The following KIRREL3 variants were observed in gnomAD, a reference collection of about 807,000 sequenced individuals.
KIRREL3 encodes kin of IRRE-like protein 3.
A neutral mutation model predicts 89.7 loss-of-function variants in KIRREL3; 36 were observed. The observed-to-expected ratio is 0.40, with a 90% CI of 0.31 to 0.53. The LOEUF (loss-of-function observed/expected upper bound fraction) is 0.53. Among genes scored for constraint, KIRREL3 ranks in the 20% least tolerant of loss-of-function variants. The pLI, the probability that KIRREL3 is intolerant of heterozygous loss-of-function variation, is 0.49. For synonymous variants in KIRREL3, 445 were observed against 441.4 expected (o/e 1.01, Z -0.10); for missense variants, 864 against 1,056.6 (o/e 0.82, Z 2.53).
intron 1 of KIRREL3, among the ~76,000 whole-genome samples, chr11:126,567,807 G>C (rs1053506585): frequency 2.6e-5 from 4 of 152,188 alleles, no homozygotes; most frequent in African/African-American, 9.6e-5. Flanking sequence ...AGCACTTGCT[G>C]GTTGCCTGGT....
At position 126,651,151 on chromosome 11, in the gene KIRREL3, C is replaced by T. The variant is rs778230320; in HGVS notation, c.56-88239G>A. 5.9e-5 allele frequency among the ~76,000 whole-genome samples: 9 copies of T among 152,152 alleles called. No homozygotes were observed. The highest frequency in any genetic ancestry group is 1.0e-4 in the Non-Finnish European group (7 of 68,030). ...TCAAGATGATATGTGGGTGGGGACA[C>T]AGCAAAACCATATCAGAAAAGAACT... On this transcript the variant is annotated intron_variant, in intron 1 of 16. Coordinates refer to ENST00000525144, the MANE Select transcript of KIRREL3 (RefSeq NM_032531.4). The surrounding 1 kb of genome is among the most constrained non-coding windows in gnomAD (Gnocchi z 4.6).
rs2135588806 is a variant in KIRREL3, at chr11:126,424,412, G to C, written c.*168C>G. ...CTGGCACACAGCACCTGGGGACCCA[G>C]ATTTGTGCTTGATCAGAGCTTCGAA... On this transcript the variant is annotated 3_prime_UTR_variant, in exon 17 of 17. Coordinates refer to ENST00000525144, the MANE Select transcript of KIRREL3 (RefSeq NM_032531.4). 35 of 428,312 alleles carry C rather than the reference G, an allele frequency of 8.2e-5. No individual in the cohort carries two copies. The highest frequency in any genetic ancestry group is 2.3e-4 in the East Asian group (4 of 17,402). 26.5% of individuals were successfully genotyped at this position (428,312 alleles called of 1,614,324 possible).
chr11:126,779,401 C>T (rs1481803797), intron 1 of KIRREL3, among the ~76,000 whole-genome samples: 1 of 152,168 alleles, frequency 6.6e-6, no homozygotes, highest in Non-Finnish European at 1.5e-5. Flanking sequence ...GTCTCCCTTC[C>T]TCCCTTGTTT....
Position 126,429,357 on chromosome 11 carries a change from C to T in KIRREL3, c.1697-69G>A. 9.0e-7 allele frequency: 1 copy of T among 1,111,182 alleles called. No individual in the cohort carries two copies. The highest frequency in any genetic ancestry group is 1.4e-6 in the Non-Finnish European group (1 of 738,048). The allele number at this position is 1,111,182 out of a possible 1,614,324, so 68.8% of individuals were successfully genotyped here. A position where few individuals can be genotyped will look rare whatever the true frequency, so the allele number is the denominator to read the frequency against. On this transcript the variant is annotated intron_variant, in intron 14 of 16. Coordinates refer to ENST00000525144, the MANE Select transcript of KIRREL3 (RefSeq NM_032531.4). The surrounding 1 kb of genome is among the most constrained non-coding windows in gnomAD (Gnocchi z 5.2). ...ACCTTTGAGATGTCAAGCTCCCTTG[C>T]AGTCCCCTGCCCCTGCCCTGCCACC...
At chr11:126,633,005 T>G (rs1022699027) in intron 1 of KIRREL3, among the ~76,000 whole-genome samples, 2 of 151,860 alleles carry the variant, frequency 1.3e-5, no homozygotes, top group African/African-American at 2.4e-5. Flanking sequence ...GGCAGGAGAA[T>G]CACTTGAACC....
At chr11:126,806,644 G>C (rs1951212652) in intron 1 of KIRREL3, among the ~76,000 whole-genome samples, 1 of 152,082 alleles carries the variant, frequency 6.6e-6, no homozygotes, top group African/African-American at 2.4e-5. Context: ...ACTAGGTAAG[G>C]ATTGGATATT....
chr11:126,438,002 A>ATCCACAAACACAT (rs1363454992), intron 11 of KIRREL3, among the ~76,000 whole-genome samples: 2 of 152,198 alleles, frequency 1.3e-5, no homozygotes, highest in Non-Finnish European at 2.9e-5. Context: ...CATGTACACA[A>ATCCACAAACACAT]TCCACAAACA....
chr11:126,769,189 C>T lies in KIRREL3; in HGVS notation c.56-206277G>A, dbSNP rs191898407. 1.3e-5 allele frequency among the ~76,000 whole-genome samples: 2 copies of T among 152,290 alleles called. No individual in the cohort carries two copies. Among genetic ancestry groups the T allele is most frequent in the African/African-American group, 2.4e-5 (1 of 41,550 alleles). ...CAGTCACTGCTTTCCCTTCCTCCTA[C>T]GCTTTCAACACATCTCTAATATGGC... On this transcript the variant is annotated intron_variant, in intron 1 of 16. Transcript: ENST00000525144. The surrounding 1 kb of genome is among the most constrained non-coding windows in gnomAD (Gnocchi z 4.3).
At chr11:126,846,098 T>A (rs1049039613) in intron 1 of KIRREL3, among the ~76,000 whole-genome samples, 1 of 152,226 alleles carries the variant, frequency 6.6e-6, no homozygotes, top group East Asian at 1.9e-4. Flanking sequence ...GAAATTACTT[T>A]GCATTATGAG....
At chr11:126,922,806 C>G (rs1329885572) in intron 1 of KIRREL3, among the ~76,000 whole-genome samples, 1 of 152,202 alleles carries the variant, frequency 6.6e-6, no homozygotes, top group East Asian at 1.9e-4. Context: ...CAATACCAAG[C>G]CCCTTGAAAG....
chr11:126,841,967 G>A (rs909067568), intron 1 of KIRREL3, among the ~76,000 whole-genome samples: 5 of 152,254 alleles, frequency 3.3e-5, no homozygotes, highest in South Asian at 2.1e-4. Flanking sequence ...CTTGCTTCCC[G>A]TTTTTTTCTC....
At chr11:126,440,321 T>C (rs61898676) in intron 11 of KIRREL3, 128 bp downstream of exon 11, 10 of 801,926 alleles carry the variant, frequency 1.2e-5, no homozygotes, top group Non-Finnish European at 2.1e-5. Flanking sequence ...CCAAGGCAGG[T>C]ATAATTTTCC....
At position 126,429,217 on chromosome 11, in the gene KIRREL3, G is replaced by A. The variant is rs1447216237; in HGVS notation, c.1768C>T (p.Arg590Trp). Residue 590 changes from arginine to tryptophan, a missense_variant, in exon 15 of 17, where the codon CGG becomes TGG. Physicochemically the swap from Arg to Trp is moderately radical, Grantham distance 101. Coordinates refer to ENST00000525144, the MANE Select transcript of KIRREL3 (RefSeq NM_032531.4). This position sits in a 1 kb window ranked among gnomAD's most constrained non-coding sequence, Gnocchi z 5.2. The stretch of plus-strand genomic sequence containing the variant: ...ATGGTGGAGTGCTCCTCACCCTCCC[G>A]ACCAGAGGCTGGTTCCTTGTGGACA... ...EIVHKEPASG[R>W]EGEEHSTIKQ... 16 of 1,613,726 alleles carry A rather than the reference G, an allele frequency of 9.9e-6. No individual in the cohort carries two copies. The highest frequency in any genetic ancestry group is 3.3e-5 in the Admixed American group (2 of 60,000).
rs1019495936 is a variant in KIRREL3, at chr11:126,978,540, T to C, written c.55+21915A>G. 6.6e-5 allele frequency among the ~76,000 whole-genome samples: 10 copies of C among 152,228 alleles called. No homozygotes were observed. The highest frequency in any genetic ancestry group is 1.2e-4 in the Non-Finnish European group (8 of 68,036). ...GAAAGCTTTTTGGCTTCCAGGTCTA[T>C]GCCCAGTGCATTCAGCCACTGATGC... On this transcript the variant is annotated intron_variant, in intron 1 of 16. Transcript: ENST00000525144. The surrounding 1 kb of genome is among the most constrained non-coding windows in gnomAD (Gnocchi z 4.2).
chr11:126,551,811 A>G lies in KIRREL3; in HGVS notation c.133+11024T>C, dbSNP rs1031390466. On this transcript the variant is annotated intron_variant, in intron 2 of 16. Transcript: ENST00000525144. This position sits in a 1 kb window ranked among gnomAD's most constrained non-coding sequence, Gnocchi z 4.9. ...CAGGCATGCGCCACCATGCCCGACT[A>G]ATTTTTGTATTTTTAGTAGAGATGG... 6.6e-6 allele frequency among the ~76,000 whole-genome samples: 1 copy of G among 152,042 alleles called. No individual in the cohort carries two copies. Among genetic ancestry groups the G allele is most frequent in the African/African-American group, 2.4e-5 (1 of 41,394 alleles).
chr11:126,587,979 A>G lies in KIRREL3; in HGVS notation c.56-25067T>C, dbSNP rs1310890678. On this transcript the variant is annotated intron_variant, in intron 1 of 16. Transcript: ENST00000525144. This position sits in a 1 kb window ranked among gnomAD's most constrained non-coding sequence, Gnocchi z 5.2. The stretch of plus-strand genomic sequence containing the variant: ...TAGGAAGAAGGGAGAGGTGGACTGG[A>G]AGACTCAGATCTAGGGCTCGGGGGA... 4.6e-5 allele frequency among the ~76,000 whole-genome samples: 7 copies of G among 152,126 alleles called. No individual in the cohort carries two copies. The highest frequency in any genetic ancestry group is 3.9e-4 in the Admixed American group (6 of 15,262).
intron 1 of KIRREL3, among the ~76,000 whole-genome samples, chr11:126,733,953 GC>G (rs1948717985): frequency 6.6e-6 from 1 of 152,218 alleles, no homozygotes; most frequent in South Asian, 2.1e-4. Context: ...TTCTGGCCCT[GC>G]TGCAGGCACA....
At position 126,612,023 on chromosome 11, in the gene KIRREL3, C is replaced by T. The variant is rs532698108; in HGVS notation, c.56-49111G>A. ...AGCCCAGTCAGCCCCTGTGCACTCT[C>T]ATGTTACCTGTGCATCTCCTTCACA... On this transcript the variant is annotated intron_variant, in intron 1 of 16. Transcript: ENST00000525144. This position sits in a 1 kb window ranked among gnomAD's most constrained non-coding sequence, Gnocchi z 4.5. Among the ~76,000 whole-genome samples, 10 of 152,338 alleles carry T rather than the reference C, an allele frequency of 6.6e-5. No individual in the cohort carries two copies. Among genetic ancestry groups the T allele is most frequent in the African/African-American group, 2.4e-4 (10 of 41,576 alleles).
At position 126,709,108 on chromosome 11, in the gene KIRREL3, TGG is replaced by T. The variant is rs1243043084; in HGVS notation, c.56-146198_56-146197del. ...AAGGAGAGGAGAGCCTACACTGTGC[TGG>T]GTCACTGTGTTACGCTATGTGCTTG... On this transcript the variant is annotated intron_variant, in intron 1 of 16. Coordinates refer to ENST00000525144, the MANE Select transcript of KIRREL3 (RefSeq NM_032531.4). The surrounding 1 kb of genome is among the most constrained non-coding windows in gnomAD (Gnocchi z 4.0). Among the ~76,000 whole-genome samples the T allele has an allele frequency of 2.6e-5, 4 of 152,250 alleles. No individual in the cohort carries two copies. Among genetic ancestry groups the T allele is most frequent in the Non-Finnish European group, 5.9e-5 (4 of 68,038 alleles).
Sources: gnomAD v4.1 joint callset for allele counts (sites outside exome capture counted in the v4.1 genomes callset) on GRCh38, gnomAD v4.1.1 for gene constraint, Gnocchi (gnomAD v3.1) non-coding constraint, MANE v1.5 for transcripts, NCBI Gene and HGNC (gene_info 2026-07-23, HGNC 2026-07-21) for gene names.